SLC35D2: variants seen among roughly 807,000 people sequenced by gnomAD.
SLC35D2 encodes solute carrier family 35 member D2.
A neutral mutation model predicts 41.8 loss-of-function variants in SLC35D2; 43 were observed. That is an observed-to-expected ratio of 1.03 (90% confidence interval 0.81 to 1.33). The LOEUF (loss-of-function observed/expected upper bound fraction) is 1.33. Ranked by LOEUF, SLC35D2 falls within the 40% of genes most tolerant of loss-of-function variation. The pLI is 0.00. For synonymous variants in SLC35D2, 150 were observed against 163.9 expected, an observed-to-expected ratio of 0.92 and a Z score of 0.65; for missense variants, 380 against 408.4, an observed-to-expected ratio of 0.93 and a Z score of 0.60.
At position 96,321,337 on chromosome 9, in the gene SLC35D2, C is replaced by T. The variant is rs554288576; in HGVS notation, c.919G>A (p.Ala307Thr). 5.6e-6 allele frequency: 9 copies of T among 1,612,650 alleles called. No individual in the cohort carries two copies. In the African/African-American group the frequency reaches 1.1e-4, roughly 19 times the overall value. ...LNFVGLNICM[A>T]GGLRYSFLTL... Reference sequence around the variant, plus strand: ...AAAAAGGAATATCTCAAGCCCCCTGCCATGCTGAAAGGAGAAAAAAAAGTG... The same window carrying T: ...AAAAAGGAATATCTCAAGCCCCCTGTCATGCTGAAAGGAGAAAAAAAAGTG... Residue 307 changes from alanine to threonine, a missense_variant, in exon 12 of 12, where the codon GCA (alanine) becomes ACA (threonine). By Grantham distance (58) the Ala-to-Thr change is moderately conservative. Transcript: ENST00000253270.
chr9:96,359,029 G>A (rs1190122791), intron 4 of SLC35D2, among the ~76,000 whole-genome samples: 1 of 152,088 alleles, frequency 6.6e-6, no homozygotes, highest in African/African-American at 2.4e-5. Context: ...CAGTGGCCGG[G>A]TGCGGTGGCT....
chr9:96,322,716 G>GTT (rs1564082381), intron 10 of SLC35D2, among the ~76,000 whole-genome samples: 6 of 92,252 alleles, frequency 6.5e-5, no homozygotes, highest in Non-Finnish European at 1.0e-4. Flanking sequence ...GGTTTTCTGG[G>GTT]GTTTTTTTTT....
At chr9:96,338,395 A>G (rs143707312) in intron 8 of SLC35D2, among the ~76,000 whole-genome samples, 68 of 152,244 alleles carry the variant, frequency 4.5e-4, no homozygotes, top group African/African-American at 1.6e-3. Context: ...AAGGATACAC[A>G]TGACAAAAAT....
At chr9:96,367,304 G>A (rs995002380) in intron 2 of SLC35D2, among the ~76,000 whole-genome samples, 3 of 150,892 alleles carry the variant, frequency 2.0e-5, no homozygotes, top group African/African-American at 4.9e-5. Flanking sequence ...TTAGTTAACA[G>A]GTACTATTTT....
intron 1 of SLC35D2, among the ~76,000 whole-genome samples, chr9:96,382,771 T>G (rs1229738986): frequency 6.6e-6 from 1 of 152,110 alleles, no homozygotes; most frequent in Non-Finnish European, 1.5e-5. Context: ...TAACAGCTCG[T>G]GCAGAGCCCT....
chr9:96,382,494 C>CTATAT (rs1163434644), intron 1 of SLC35D2, among the ~76,000 whole-genome samples: 194 of 143,686 alleles, frequency 1.4e-3, no homozygotes, highest in Non-Finnish European at 2.4e-3. Flanking sequence ...CACACACACA[C>CTATAT]ACTATATATA....
chr9:96,360,121 G>C (rs754466919), intron 4 of SLC35D2, 33 bp downstream of exon 4: 1 of 1,550,072 alleles, frequency 6.5e-7, no homozygotes, highest in African/African-American at 1.4e-5. Context: ...CAGAGGTGAG[G>C]AACTTTCCAC....
Position 96,321,340 on chromosome 9 carries a change from T to C in SLC35D2, c.916A>G (p.Met306Val), listed in dbSNP as rs773044923. ...AAGGAATATCTCAAGCCCCCTGCCA[T>C]GCTGAAAGGAGAAAAAAAAGTGAAA... is the stretch of plus-strand genomic sequence containing the variant. ...LLNFVGLNIC[M>V]AGGLRYSFLT... Residue 306 changes from methionine (M) to valine (V), a missense_variant and splice_region_variant, in exon 12 of 12, where the codon ATG becomes GTG. Met to Val is a conservative substitution (Grantham distance 21, BLOSUM62 1). Transcript: ENST00000253270. The C allele has an allele frequency of 3.7e-6, 6 of 1,611,070 alleles. No homozygotes were observed. The highest frequency in any genetic ancestry group is 5.1e-6 in the Non-Finnish European group (6 of 1,178,190).
chr9:96,345,543 C>G (rs1587679501), intron 6 of SLC35D2, 142 bp from the exon 7 acceptor site: 1 of 634,948 alleles, frequency 1.6e-6, no homozygotes, highest in East Asian at 2.9e-5. Flanking sequence ...ATGATTAATT[C>G]CTCTGCTTTG....
Position 96,320,950 on chromosome 9 carries a change from C to A in SLC35D2, c.*292G>T. On this transcript the variant is annotated 3_prime_UTR_variant, in exon 12 of 12. Transcript: ENST00000253270. Reference sequence around the variant, plus strand: ...TCCCCAGCACACAGCACAGAGATGCCACGAAGGCCCCATAGGTCCCTAGAA... The same window carrying A: ...TCCCCAGCACACAGCACAGAGATGCAACGAAGGCCCCATAGGTCCCTAGAA... The A allele has an allele frequency of 3.5e-6, 1 of 286,888 alleles. No homozygotes were observed. The highest frequency in any genetic ancestry group is 6.6e-6 in the Non-Finnish European group (1 of 151,896). The allele number at this position is 286,888 out of a possible 1,614,324, so 17.8% of individuals were successfully genotyped here. A position where few individuals can be genotyped will look rare whatever the true frequency, so the allele number is the denominator to read the frequency against.
intron 9 of SLC35D2, among the ~76,000 whole-genome samples, chr9:96,324,584 G>T (rs568137720): frequency 9.3e-6 from 1 of 107,112 alleles, no homozygotes; most frequent in African/African-American, 3.2e-5. Flanking sequence ...ACGGAGTCTC[G>T]CTCTGTCACC....
intron 1 of SLC35D2, among the ~76,000 whole-genome samples, chr9:96,378,133 T>A (rs190076875): frequency 1.3e-5 from 2 of 152,118 alleles, no homozygotes; most frequent in African/African-American, 4.8e-5. Flanking sequence ...CTGGGCAGGT[T>A]TGGAAATTAC....
intron 2 of SLC35D2, among the ~76,000 whole-genome samples, chr9:96,366,805 C>T (rs1316496700): frequency 1.9e-4 from 28 of 150,866 alleles, no homozygotes. Context: ...GTGCTTTTTC[C>T]TAATATTTTT....
chr9:96,382,490 C>CTATATATAT (rs1238926572), intron 1 of SLC35D2, among the ~76,000 whole-genome samples: 21 of 144,848 alleles, frequency 1.4e-4, no homozygotes, highest in South Asian at 4.3e-4. Context: ...CACACACACA[C>CTATATATAT]ACACACTATA....
intron 6 of SLC35D2, 165 bp downstream of exon 6, chr9:96,350,938 T>TG (rs1829785417): frequency 1.9e-6 from 1 of 537,778 alleles, no homozygotes; most frequent in Non-Finnish European, 3.3e-6. Flanking sequence ...GGACCCACTT[T>TG]GACTTTCATA....
At chr9:96,355,951 A>G (rs1210604696) in intron 4 of SLC35D2, among the ~76,000 whole-genome samples, 2 of 152,244 alleles carry the variant, frequency 1.3e-5, no homozygotes, top group African/African-American at 2.4e-5. Context: ...TACAGTTTGG[A>G]TATCTGACCC....
At chr9:96,369,474 A>G (rs549586884) in intron 1 of SLC35D2, among the ~76,000 whole-genome samples, 2 of 152,304 alleles carry the variant, frequency 1.3e-5, no homozygotes, top group Non-Finnish European at 2.9e-5. Context: ...ATCACCCAAG[A>G]CAATCCTGAA....
chr9:96,357,842 C>T (rs1830090770), intron 4 of SLC35D2, among the ~76,000 whole-genome samples: 1 of 151,700 alleles, frequency 6.6e-6, no homozygotes, highest in Non-Finnish European at 1.5e-5. Flanking sequence ...AGTTCAAGAT[C>T]AGCCTGGGCA....
intron 1 of SLC35D2, among the ~76,000 whole-genome samples, chr9:96,383,171 G>C (rs1162834161): frequency 6.6e-6 from 1 of 152,210 alleles, no homozygotes; most frequent in East Asian, 1.9e-4. Context: ...GCAGGCATTT[G>C]AATCCCTGTT....
Sources: gnomAD v4.1 joint callset for allele counts (sites outside exome capture counted in the v4.1 genomes callset) on GRCh38, gnomAD v4.1.1 for gene constraint, MANE v1.5 for transcripts, NCBI Gene and HGNC (gene_info 2026-07-23, HGNC 2026-07-21) for gene names.